Variants in CEP128 observed in about 807,000 individuals in gnomAD.
CEP128 encodes centrosomal protein 128kDa.
In CEP128, 132 loss-of-function variants were observed where a neutral mutation model predicts 156.7. The observed-to-expected ratio is 0.84, with a 90% confidence interval of 0.73 to 0.97. The LOEUF (loss-of-function observed/expected upper bound fraction) is 0.97, where lower values mean the gene tolerates loss of function less well. Ranked by LOEUF, CEP128 falls within the 50% of genes least tolerant of loss-of-function variation. CEP128 has a pLI of 0.00. For synonymous variants in CEP128, 469 were observed against 448.9 expected (o/e 1.04, Z -0.57); for missense variants, 1,252 against 1,281.9 (o/e 0.98, Z 0.36).
chr14:80,622,715 C>T (rs374169809), intron 19 of CEP128, among the ~76,000 whole-genome samples: 1 of 150,428 alleles, frequency 6.6e-6, no homozygotes, highest in African/African-American at 2.5e-5. Context: ...AAAATGCTCA[C>T]CATCACTGGC....
intron 20 of CEP128, among the ~76,000 whole-genome samples, chr14:80,567,754 G>A (rs1046848421): frequency 6.6e-5 from 10 of 152,102 alleles, no homozygotes; most frequent in Non-Finnish European, 1.5e-4. Context: ...CTGGACTGGA[G>A]AACAACTAAA....
intron 19 of CEP128, among the ~76,000 whole-genome samples, chr14:80,599,605 G>A (rs1738825719): frequency 6.6e-6 from 1 of 151,716 alleles, no homozygotes; most frequent in Non-Finnish European, 1.5e-5. Context: ...GACTACTGCA[G>A]TTATCCATAT....
intron 20 of CEP128, among the ~76,000 whole-genome samples, chr14:80,575,790 G>A (rs117539811): frequency 1.2e-4 from 18 of 152,196 alleles, no homozygotes; most frequent in Non-Finnish European, 2.6e-4. Context: ...ATATTGTGCT[G>A]ACGCAAAGTA....
intron 20 of CEP128, among the ~76,000 whole-genome samples, chr14:80,579,436 T>C (rs1891495916): frequency 6.6e-6 from 1 of 152,176 alleles, no homozygotes; most frequent in Admixed American, 6.5e-5. Context: ...TAAACTATGC[T>C]TCCTTTGCAT....
intron 2 of CEP128, among the ~76,000 whole-genome samples, chr14:80,936,089 C>T (rs181379796): frequency 7.2e-5 from 11 of 152,338 alleles, no homozygotes; most frequent in Non-Finnish European, 1.5e-4. Context: ...GAGACAGAAT[C>T]AAATGGACCA....
intron 19 of CEP128, among the ~76,000 whole-genome samples, chr14:80,740,503 T>TAGAC (rs1898766063): frequency 1.1e-5 from 1 of 90,762 alleles, no homozygotes; most frequent in Non-Finnish European, 2.4e-5. Context: ...TCTAGATAGA[T>TAGAC]AGATAGATAG....
At chr14:80,525,237 T>C (rs1888923543) in intron 23 of CEP128, among the ~76,000 whole-genome samples, 1 of 152,122 alleles carries the variant, frequency 6.6e-6, no homozygotes, top group South Asian at 2.1e-4. Flanking sequence ...CAGAAAAAAT[T>C]AGGTATATAA....
At chr14:80,620,365 G>A (rs991068408) in intron 19 of CEP128, among the ~76,000 whole-genome samples, 1 of 152,056 alleles carries the variant, frequency 6.6e-6, no homozygotes, top group Non-Finnish European at 1.5e-5. Context: ...TTCTAGAACT[G>A]TAATCCTAGG....
intron 21 of CEP128, among the ~76,000 whole-genome samples, chr14:80,549,566 G>C (rs565956774): frequency 6.6e-6 from 1 of 152,180 alleles, no homozygotes; most frequent in South Asian, 2.1e-4. Flanking sequence ...AGAGATAAAG[G>C]CAAGTTTTCC....
intron 14 of CEP128, among the ~76,000 whole-genome samples, chr14:80,485,072 TC>T (rs1887132897): frequency 6.6e-6 from 1 of 152,096 alleles, no homozygotes; most frequent in African/African-American, 2.4e-5. Flanking sequence ...TCTCAGTGGC[TC>T]CAGAACTGCA....
intron 19 of CEP128, among the ~76,000 whole-genome samples, chr14:80,709,837 A>C (rs1357017091): frequency 6.6e-6 from 1 of 152,036 alleles, no homozygotes; most frequent in Non-Finnish European, 1.5e-5. Flanking sequence ...GCATATTATC[A>C]GTAGGTTTTT....
At chr14:80,784,282 GA>G (rs34067954) in intron 15 of CEP128, among the ~76,000 whole-genome samples, 61,265 of 137,158 alleles carry the variant, frequency 0.45, 13,231 homozygotes, top group African/African-American at 0.54. Flanking sequence ...CACGTGTTAT[GA>G]AAAAAAAAAA....
At chr14:80,647,033 GCATGTATATATATA>G (rs1223950195) in intron 19 of CEP128, among the ~76,000 whole-genome samples, 8 of 68,780 alleles carry the variant, frequency 1.2e-4, no homozygotes, top group African/African-American at 2.9e-4. Context: ...ATATATGTGT[GCATGTATATATATA>G]TATATATATA....
chr14:80,707,759 G>T (rs1897274442), intron 19 of CEP128, among the ~76,000 whole-genome samples: 1 of 151,838 alleles, frequency 6.6e-6, no homozygotes, highest in African/African-American at 2.4e-5. Context: ...TATTCCTCAA[G>T]ACAAACATAA....
At chr14:80,626,942 C>G (rs548687171) in intron 19 of CEP128, among the ~76,000 whole-genome samples, 1 of 152,128 alleles carries the variant, frequency 6.6e-6, no homozygotes, top group South Asian at 2.1e-4. Context: ...CCCATCACCA[C>G]CCCCAAAATC....
intron 19 of CEP128, among the ~76,000 whole-genome samples, chr14:80,600,042 C>A (rs943756267): frequency 1.3e-5 from 2 of 152,144 alleles, no homozygotes; most frequent in African/African-American, 2.4e-5. Flanking sequence ...ACCCCAGATT[C>A]ATTCTTTTTT....
rs1340705636 is a variant in CEP128 at position 80,842,860 on chromosome 14, A to T, written c.763-2092T>A. 2.0e-5 allele frequency among the ~76,000 whole-genome samples: 3 copies of T among 151,910 alleles called. No homozygotes were observed. In the East Asian group the frequency reaches 5.8e-4, roughly 29 times the overall value. ...TCATGTGCCCTGCTCCAGGATTTAG[A>T]TTGTCTTTTACACGTTGAAGATCAC... On this transcript the variant is annotated intron_variant, in intron 9 of 24. Transcript: ENST00000555265.
In CEP128 at chr14:80,559,294, T is replaced by A. The variant is rs756258171; in HGVS notation, c.2865A>T (p.Val955=). Residue 955 remains valine, a synonymous_variant, in exon 21 of 25, where the codon GTA becomes GTT. Transcript: ENST00000555265. ...CCCAACTTACCGTTTCTAATGCAATTACACGGTCCTGCAAAGAAAGCATAA... is the reference window on the plus strand; with the variant it reads ...CCCAACTTACCGTTTCTAATGCAATAACACGGTCCTGCAAAGAAAGCATAA... ...DEEMGSLQDR[V]IALETSTQVA... is the part of the protein sequence containing the mutation. The A allele has an allele frequency of 2.2e-5, 36 of 1,603,730 alleles. 1 individual carries two copies. In the South Asian group the frequency reaches 3.7e-4, roughly 17 times the overall value.
At chr14:80,916,771 G>A (rs1356977587) in intron 2 of CEP128, among the ~76,000 whole-genome samples, 16 of 152,192 alleles carry the variant, frequency 1.1e-4, no homozygotes, top group South Asian at 4.2e-4. Flanking sequence ...TTAAGGGAGC[G>A]ATTCCTCAGA....
Sources: allele counts gnomAD v4.1 joint callset (sites outside exome capture counted in the v4.1 genomes callset), GRCh38; gene constraint gnomAD v4.1.1; transcripts MANE v1.5; gene names NCBI Gene and HGNC (gene_info 2026-07-23, HGNC 2026-07-21).